Variants in C2orf74 observed in about 807,000 individuals in gnomAD.
The protein encoded by C2orf74 is uncharacterized protein C2orf74.
Under a neutral mutation model 17.9 loss-of-function variants are expected in C2orf74, and 14 were observed. That is an observed-to-expected ratio of 0.78 (90% CI 0.52 to 1.22). C2orf74 has a LOEUF of 1.22. Among genes scored for constraint, C2orf74 ranks in the 50% most tolerant of loss-of-function variants. The probability of loss-of-function intolerance (pLI) is 0.00; values close to 1 mark genes in which losing one functional copy is unlikely to be tolerated. For missense variants in C2orf74, 217 were observed against 218.4 expected, an observed-to-expected ratio of 0.99 and a Z score of 0.04; for synonymous variants, 79 against 72.6, an observed-to-expected ratio of 1.09 and a Z score of -0.44.
intron 1 of C2orf74, among the ~76,000 whole-genome samples, chr2:61,150,432 G>C (rs757310461): frequency 1.3e-5 from 2 of 152,166 alleles, no homozygotes; most frequent in Non-Finnish European, 2.9e-5. Flanking sequence ...AGAGGAGTGA[G>C]AGCCACAGTG....
At chr2:61,158,774 C>G (rs765650476), upstream of C2orf74, among the ~76,000 whole-genome samples, 2 of 152,128 alleles carry the variant, frequency 1.3e-5, no homozygotes, top group African/African-American at 2.4e-5. Context: ...TGATGGGTTT[C>G]AGTTCCTTGC....
upstream of C2orf74, chr2:61,159,233 T>G (rs1467523363): frequency 6.0e-6 from 2 of 330,992 alleles, no homozygotes; most frequent in Non-Finnish European, 1.2e-5. Context: ...CCTGACCTTG[T>G]GATCCTCCTG....
At position 61,164,532 on chromosome 2, in the gene C2orf74, C is replaced by T. The variant is rs1368031832; in HGVS notation, c.*5C>T. On this transcript the variant is annotated 3_prime_UTR_variant, in exon 5 of 5. Coordinates refer to ENST00000432605, the MANE Select transcript of C2orf74 (RefSeq NM_001143959.4). ...GAACATAAAGAGAGGAAATGAAGCT[C>T]AAAAAAGGGTAAGAGTGAAAGAAAA... is the stretch of plus-strand genomic sequence containing the variant. 11 of 1,494,364 alleles carry T rather than the reference C, an allele frequency of 7.4e-6. No individual in the cohort carries two copies. The highest frequency in any genetic ancestry group is 8.9e-6 in the Non-Finnish European group (10 of 1,122,116). 92.6% of individuals were successfully genotyped at this position (1,494,364 alleles called of 1,614,324 possible).
intron 4 of C2orf74, 88 bp downstream of exon 4, chr2:61,163,320 A>C (rs1425763133): frequency 2.2e-6 from 3 of 1,392,858 alleles, no homozygotes; most frequent in Non-Finnish European, 2.9e-6. Flanking sequence ...TAATAATAGG[A>C]GATGGAGGAC....
At chr2:61,158,107 G>C (rs1320485476), upstream of C2orf74, 3 of 425,986 alleles carry the variant, frequency 7.0e-6, no homozygotes, top group African/African-American at 4.1e-5. Flanking sequence ...AGCCCCCCTT[G>C]CTCCAAAGAG....
At chr2:61,151,915 A>T (rs1034082919) in intron 1 of C2orf74, 4 of 152,410 alleles carry the variant, frequency 2.6e-5, no homozygotes, top group Admixed American at 1.3e-4. Flanking sequence ...GTCCAGGTAC[A>T]TTGTGGCAAA....
intron 1 of C2orf74, among the ~76,000 whole-genome samples, chr2:61,153,144 G>A (rs1444757340): frequency 5.7e-5 from 7 of 123,026 alleles, no homozygotes; most frequent in Non-Finnish European, 9.8e-5. Flanking sequence ...GCAAAACTCC[G>A]TCTCCAAAAA....
At chr2:61,157,440 G>A (rs764353845), upstream of C2orf74, among the ~76,000 whole-genome samples, 40 of 152,280 alleles carry the variant, frequency 2.6e-4, no homozygotes, top group Non-Finnish European at 4.6e-4. Flanking sequence ...GCAGTGTGAT[G>A]CTCGTTGCAG....
chr2:61,162,777 C>T, intron 2 of C2orf74, 65 bp from the exon 3 acceptor site: 3 of 1,349,780 alleles, frequency 2.2e-6, no homozygotes, highest in South Asian at 1.3e-5. Context: ...CGTGAAGTTT[C>T]TATACCACAC....
upstream of C2orf74, among the ~76,000 whole-genome samples, chr2:61,159,905 T>C (rs1685511001): frequency 1.3e-5 from 2 of 152,218 alleles, no homozygotes; most frequent in Admixed American, 1.3e-4. Flanking sequence ...TGTGCTACCA[T>C]CACCACTGTC....
At position 61,162,406 on chromosome 2, in the gene C2orf74, C is replaced by T; in HGVS notation, c.-99-10C>T. On this transcript the variant is annotated splice_polypyrimidine_tract_variant and intron_variant, in intron 1 of 4. Coordinates refer to ENST00000432605, the MANE Select transcript of C2orf74 (RefSeq NM_001143959.4). Reference sequence around the variant, plus strand: ...ACAAAGAAAACAGCTTTTTATTCCTCTGTTTCTAGAAAACTTAAAGAACAA... The same window carrying T: ...ACAAAGAAAACAGCTTTTTATTCCTTTGTTTCTAGAAAACTTAAAGAACAA... The T allele has an allele frequency of 1.2e-6, 1 of 805,168 alleles. No individual in the cohort carries two copies. The highest frequency in any genetic ancestry group is 2.0e-6 in the Non-Finnish European group (1 of 500,912). The allele number at this position is 805,168 out of a possible 1,614,324, so 49.9% of individuals were successfully genotyped here.
chr2:61,153,507 C>T (rs1311575793), intron 1 of C2orf74, among the ~76,000 whole-genome samples: 2 of 151,528 alleles, frequency 1.3e-5, no homozygotes, highest in Non-Finnish European at 2.9e-5. Context: ...TGGTCTCAAT[C>T]TCCTGACCTC....
At chr2:61,156,447 T>C (rs2103628495) in intron 1 of C2orf74, among the ~76,000 whole-genome samples, 1 of 152,054 alleles carries the variant, frequency 6.6e-6, no homozygotes, top group African/African-American at 2.4e-5. Flanking sequence ...ATGGATGAGA[T>C]TTAGAATAAA....
intron 1 of C2orf74, among the ~76,000 whole-genome samples, chr2:61,149,774 C>T (rs1729654): frequency 0.42 from 63,339 of 151,400 alleles, 13,476 homozygotes; most frequent in Middle Eastern, 0.5. Context: ...AAGATGGGGT[C>T]CTCCATGTTG....
intron 1 of C2orf74, among the ~76,000 whole-genome samples, chr2:61,149,160 T>A (rs982401552): frequency 6.6e-6 from 1 of 152,208 alleles, no homozygotes; most frequent in Admixed American, 6.5e-5. Flanking sequence ...CCAAAAAATA[T>A]CTCCCCTCTG....
chr2:61,162,697 AC>A, intron 2 of C2orf74, 88 bp downstream of exon 2: 2 of 1,076,098 alleles, frequency 1.9e-6, no homozygotes, highest in Non-Finnish European at 2.7e-6. Context: ...TTAAAACAGA[AC>A]AAGTAATGAT....
rs1389925959 is a variant in C2orf74, at chr2:61,162,879, C to G, written c.133C>G (p.Pro45Ala). The G allele has an allele frequency of 6.4e-7, 1 of 1,552,328 alleles. No homozygotes were observed. Among genetic ancestry groups the G allele is most frequent in the Non-Finnish European group, 8.7e-7 (1 of 1,147,128 alleles). Reference protein sequence around the residue: ...GRKGKETKKVPCTDANGGVDC... With the variant: ...GRKGKETKKVACTDANGGVDC... ...GAAAGGTAAAGAGACAAAGAAAGTG[C>G]CTTGTACAGATGCAAACGGAGGTGT... The change falls in exon 3 of 5, where the codon CCT becomes GCT. Residue 45 changes from proline to alanine, a missense_variant. By Grantham distance (27) the Pro-to-Ala change is conservative (BLOSUM62 -1). Coordinates refer to ENST00000432605, the MANE Select transcript of C2orf74 (RefSeq NM_001143959.4).
intron 1 of C2orf74, among the ~76,000 whole-genome samples, chr2:61,156,654 C>T (rs1183780061): frequency 1.3e-5 from 2 of 152,086 alleles, no homozygotes; most frequent in Non-Finnish European, 2.9e-5. Flanking sequence ...GAGGCCAAGG[C>T]GGGCAGATCG....
chr2:61,156,967 C>T (rs927417962), intron 1 of C2orf74, among the ~76,000 whole-genome samples: 2 of 152,170 alleles, frequency 1.3e-5, no homozygotes, highest in African/African-American at 4.8e-5. Context: ...TTAGGGACCA[C>T]ACCAGTCTAT....
Sources: gnomAD v4.1 joint callset for allele counts (sites outside exome capture counted in the v4.1 genomes callset) on GRCh38, gnomAD v4.1.1 for gene constraint, MANE v1.5 for transcripts, NCBI Gene and HGNC (gene_info 2026-07-23, HGNC 2026-07-21) for gene names.